The following CP variants were observed in gnomAD, a reference collection of about 807,000 sequenced individuals.
CP encodes the protein ceruloplasmin.
In CP, 64 loss-of-function variants were observed where a neutral mutation model predicts 122.4. That is an observed-to-expected ratio of 0.52 (90% CI 0.43 to 0.64). CP has a LOEUF of 0.64. CP is among the 30% of genes least tolerant of loss of function. The pLI is 0.00. For synonymous variants in CP, 440 were observed against 436.4 expected, an observed-to-expected ratio of 1.01 and a Z score of -0.10; for missense variants, 1,167 against 1,284.4, an observed-to-expected ratio of 0.91 and a Z score of 1.40.
intron 7 of CP, 144 bp from the exon 8 acceptor site, chr3:149,200,008 T>C: frequency 1.2e-6 from 1 of 822,616 alleles, no homozygotes; most frequent in Non-Finnish European, 2.0e-6. Flanking sequence ...GCTTGGTTTT[T>C]GAGAAGTCCA....
chr3:149,206,340 C>T lies in CP; in HGVS notation c.1037-1G>A. On this transcript the variant is annotated splice_acceptor_variant, in intron 5 of 18. Coordinates refer to ENST00000264613, the MANE Select transcript of CP (RefSeq NM_000096.4). LOFTEE classifies it high-confidence loss of function. ...ACCTGGAAAAAGGCTTGCAAACCGG[C>T]TGAAATGAAACAGAAAGAGGCATTG... 1 of 1,613,786 alleles carries T rather than the reference C, an allele frequency of 6.2e-7. No individual in the cohort carries two copies. Among genetic ancestry groups the T allele is most frequent in the Non-Finnish European group, 8.5e-7 (1 of 1,179,732 alleles).
chr3:149,183,408 A>C, intron 13 of CP, 58 bp downstream of exon 13: 1 of 1,554,292 alleles, frequency 6.4e-7, no homozygotes, highest in Non-Finnish European at 8.8e-7. Context: ...ATTGACGGTT[A>C]CTGCAGGTAG....
chr3:149,217,320 T>C (rs1728528717), intron 1 of CP, among the ~76,000 whole-genome samples: 1 of 152,192 alleles, frequency 6.6e-6, no homozygotes, highest in African/African-American at 2.4e-5. Context: ...TAAAAATCAT[T>C]TTTGAAGGGA....
intron 2 of CP, among the ~76,000 whole-genome samples, chr3:149,211,141 C>T (rs1371387413): frequency 6.6e-6 from 1 of 151,884 alleles, no homozygotes; most frequent in Non-Finnish European, 1.5e-5. Flanking sequence ...ACAACAAAAA[C>T]AAAAAAAGTC....
rs150192298 is a variant in CP, at chr3:149,177,940, G to T, written c.2918C>A (p.Thr973Lys). ...GRMFGNLQGL[T>K]MHVGDEVNWY... ...GTTGACTTCATCTCCCACGTGCATTGTGAGGCCTTGTAGGTTTCCAAACAT... is the reference window on the plus strand; with the variant it reads ...GTTGACTTCATCTCCCACGTGCATTTTGAGGCCTTGTAGGTTTCCAAACAT... The change falls in exon 17 of 19, where the codon ACA (threonine) becomes AAA (lysine). Residue 973 changes from threonine to lysine, a missense_variant. Thr to Lys is a moderately conservative substitution (Grantham distance 78, BLOSUM62 -1). This residue lies in a region of CP where 525 missense variants were observed against 657.2 expected (regional missense o/e 0.80). Transcript: ENST00000264613. 111 of 1,613,532 alleles carry T rather than the reference G, an allele frequency of 6.9e-5. No homozygotes were observed. Among genetic ancestry groups the T allele is most frequent in the Non-Finnish European group, 9.0e-5 (106 of 1,179,490 alleles).
At position 149,212,662 on chromosome 3, in the gene CP, A is replaced by G; in HGVS notation, c.183T>C (p.Asp61=). ...CCTTCTTATATAGTCTCCCAATTCT[A>G]TCTGGGCCATTTTGAAGATAGATAT... ...HSNIYLQNGP[D]RIGRLYKKAL... is the part of the protein sequence containing the mutation. Residue 61 remains aspartate (D), a synonymous_variant, in exon 2 of 19, where the codon GAT becomes GAC. Transcript: ENST00000264613. 3 of 1,613,864 alleles carry G rather than the reference A, an allele frequency of 1.9e-6. No individual in the cohort carries two copies. The highest frequency in any genetic ancestry group is 2.5e-6 in the Non-Finnish European group (3 of 1,179,938).
At chr3:149,176,831 AG>A (rs1351731804) in intron 17 of CP, 1 of 162,054 alleles carries the variant, frequency 6.2e-6, no homozygotes, top group African/African-American at 2.4e-5. Flanking sequence ...GCAGAAAAGG[AG>A]GCTGATGAAA....
chr3:149,181,528 A>G (rs1242884359), intron 14 of CP, among the ~76,000 whole-genome samples: 3 of 152,214 alleles, frequency 2.0e-5, no homozygotes, highest in African/African-American at 4.8e-5. Flanking sequence ...ACCTATGTAT[A>G]TAATCTGTTC....
intron 6 of CP, among the ~76,000 whole-genome samples, chr3:149,205,504 A>T (rs1235875012): frequency 4.6e-5 from 7 of 152,020 alleles, no homozygotes; most frequent in Admixed American, 4.6e-4. Context: ...ATGTTTATCA[A>T]CAGATGAATG....
At chr3:149,165,973 A>G (rs1000248652) in exon 5 of CP, 4 of 455,800 alleles carry the variant, frequency 8.8e-6, no homozygotes, top group African/African-American at 8.0e-5. Context: ...TCCTTGGTAG[A>G]TATTTGGAAT....
At position 149,198,379 on chromosome 3, in the gene CP, T is replaced by G; in HGVS notation, c.1701A>C (p.Ala567=). The G allele has an allele frequency of 6.2e-7, 1 of 1,614,000 alleles. No homozygotes were observed. Among genetic ancestry groups the G allele is most frequent in the Non-Finnish European group, 8.5e-7 (1 of 1,179,806 alleles). ...MKICKKGSLH[A]NGRQKDVDKE... Reference sequence around the variant, plus strand: ...CAGTTGGACTTACCTGTCTCCCATTTGCATGTAAACTTCCTTTCTTGCATA... The same window carrying G: ...CAGTTGGACTTACCTGTCTCCCATTGGCATGTAAACTTCCTTTCTTGCATA... The change falls in exon 9 of 19, where the codon GCA becomes GCC. Residue 567 remains alanine, a synonymous_variant. Transcript: ENST00000264613.
At position 149,163,963 on chromosome 3, in the gene CP, C is replaced by T; in HGVS notation, c.*14-1088G>A. 1 of 1,229,556 alleles carries T rather than the reference C, an allele frequency of 8.1e-7. No individual in the cohort carries two copies. The highest frequency in any genetic ancestry group is 1.2e-6 in the Non-Finnish European group (1 of 830,854). The allele number at this position is 1,229,556 out of a possible 1,614,324, so 76.2% of individuals were successfully genotyped here. A position where few individuals can be genotyped will look rare whatever the true frequency, so the allele number is the denominator to read the frequency against. ...TCAAAATTACAGGTAAGTAAAAATA[C>T]CTCCTTTTCTTATGAAATTGCATAT... is the stretch of plus-strand genomic sequence containing the variant. On this transcript the variant is annotated intron_variant, in intron 5 of 5. Transcript: ENST00000479771.
chr3:149,182,341 G>T (rs1196355953), intron 13 of CP, among the ~76,000 whole-genome samples: 1 of 152,202 alleles, frequency 6.6e-6, no homozygotes, highest in Non-Finnish European at 1.5e-5. Context: ...TCTAGGGGAG[G>T]TTTGGCCTGA....
downstream of CP, chr3:149,168,042 A>G (rs1274749200): frequency 2.1e-6 from 2 of 959,814 alleles, no homozygotes; most frequent in Non-Finnish European, 3.4e-6. Flanking sequence ...AAATTTGGTG[A>G]AGCCTTCTTA....
Position 149,173,501 on chromosome 3 carries a change from A to G in CP, c.*213T>C. On this transcript the variant is annotated 3_prime_UTR_variant, in exon 19 of 19. Transcript: ENST00000264613. ...GAATCAGTTTTATTACCTAGTGTACAAGTGTCAGTCATGTATCATTATATA... is the reference window on the plus strand; with the variant it reads ...GAATCAGTTTTATTACCTAGTGTACGAGTGTCAGTCATGTATCATTATATA... 2.3e-6 allele frequency: 1 copy of G among 426,670 alleles called. No individual in the cohort carries two copies. The highest frequency in any genetic ancestry group is 3.3e-5 in the South Asian group (1 of 30,398). The allele number at this position is 426,670 out of a possible 1,614,324, so 26.4% of individuals were successfully genotyped here.
chr3:149,184,711 T>C (rs1342092621), intron 12 of CP, among the ~76,000 whole-genome samples: 3 of 152,254 alleles, frequency 2.0e-5, no homozygotes, highest in Non-Finnish European at 4.4e-5. Flanking sequence ...TTTTCCATGA[T>C]GGACATGTTA....
downstream of CP, chr3:149,172,316 TATCA>T: frequency 1.5e-6 from 1 of 681,248 alleles, no homozygotes. Context: ...TTATTTTATA[TATCA>T]CACACACACA....
chr3:149,183,538 G>C lies in CP; in HGVS notation c.2353C>G (p.Arg785Gly). 6.2e-7 allele frequency: 1 copy of C among 1,609,368 alleles called. No homozygotes were observed. Among genetic ancestry groups the C allele is most frequent in the Non-Finnish European group, 8.5e-7 (1 of 1,178,134 alleles). Residue 785 changes from arginine (R) to glycine (G), a missense_variant, in exon 13 of 19, where the codon CGG becomes GGG. This residue lies in a region of CP where 525 missense variants were observed against 657.2 expected (regional missense o/e 0.80). Coordinates refer to ENST00000264613, the MANE Select transcript of CP (RefSeq NM_000096.4). The part of the protein sequence containing the change: ...IGSKYKKVVY[R>G]QYTDSTFRVP... ...CGGAATGTGCTATCAGTATACTGCC[G>C]ATACACAACTTTCTTGTACTTTGAG...
intron 8 of CP, 87 bp from the exon 9 acceptor site, chr3:149,198,665 TA>T: frequency 9.1e-7 from 1 of 1,098,530 alleles, no homozygotes; most frequent in Non-Finnish European, 1.4e-6. Context: ...TAGTCTAGAA[TA>T]GCCCACTTCT....
Sources: gnomAD v4.1 joint callset for allele counts (sites outside exome capture counted in the v4.1 genomes callset) on GRCh38, gnomAD v4.1.1 for gene constraint, gnomAD v4.1.1 regional missense constraint, MANE v1.5 for transcripts, NCBI Gene and HGNC (gene_info 2026-07-23, HGNC 2026-07-21) for gene names.